CPPED1: variants seen among roughly 807,000 people sequenced by gnomAD.
The protein encoded by CPPED1 is serine/threonine-protein phosphatase CPPED1.
In CPPED1, 28 loss-of-function variants were observed where a neutral mutation model predicts 28.0. That is an observed-to-expected ratio of 1.00 (90% CI 0.74 to 1.37). The LOEUF (loss-of-function observed/expected upper bound fraction) is 1.37, where lower values mean the gene tolerates loss of function less well. Among genes scored for constraint, CPPED1 ranks in the 40% most tolerant of loss-of-function variants. The pLI is 0.00. For synonymous variants in CPPED1, 198 were observed against 180.2 expected, an observed-to-expected ratio of 1.10 and a Z score of -0.79; for missense variants, 504 against 416.5, an observed-to-expected ratio of 1.21 and a Z score of -1.83.
chr16:12,725,648 G>A (rs377067878), intron 2 of CPPED1, among the ~76,000 whole-genome samples: 1 of 152,066 alleles, frequency 6.6e-6, no homozygotes, highest in Non-Finnish European at 1.5e-5. Flanking sequence ...GAACTGATTT[G>A]TCAAAAGGAC....
At chr16:12,673,999 T>C (rs76741238) in intron 3 of CPPED1, among the ~76,000 whole-genome samples, 5,010 of 152,104 alleles carry the variant, frequency 0.033, 274 homozygotes, top group African/African-American at 0.12. Flanking sequence ...CAGTGGGCTA[T>C]GGTTGCACCA....
intron 3 of CPPED1, among the ~76,000 whole-genome samples, chr16:12,668,819 G>C (rs1374747091): frequency 6.6e-6 from 1 of 152,268 alleles, no homozygotes; most frequent in African/African-American, 2.4e-5. Context: ...TGATGAAAGA[G>C]ATGGAAAGCA....
chr16:12,769,864 G>A (rs562748657), intron 2 of CPPED1, among the ~76,000 whole-genome samples: 14 of 152,170 alleles, frequency 9.2e-5, no homozygotes, highest in African/African-American at 3.4e-4. Context: ...GTGTTAAACT[G>A]TAGGGTAAAT....
chr16:12,743,126 G>A (rs113374391), intron 2 of CPPED1, among the ~76,000 whole-genome samples: 161 of 152,264 alleles, frequency 1.1e-3, no homozygotes, highest in African/African-American at 3.7e-3. Flanking sequence ...CACATTATAG[G>A]AACCACCCCA....
At chr16:12,795,722 T>C (rs1298608327) in intron 1 of CPPED1, among the ~76,000 whole-genome samples, 16 of 152,242 alleles carry the variant, frequency 1.1e-4, no homozygotes, top group African/African-American at 3.4e-4. Flanking sequence ...AGCAGTGGGT[T>C]GGACAGATAC....
At chr16:12,783,779 G>T (rs1207976111) in intron 1 of CPPED1, among the ~76,000 whole-genome samples, 1 of 152,130 alleles carries the variant, frequency 6.6e-6, no homozygotes, top group Non-Finnish European at 1.5e-5. Context: ...AATTGTACAT[G>T]TACATAAACC....
chr16:12,704,676 GAAGT>G lies in CPPED1; in HGVS notation c.659_662del (p.Tyr220SerfsTer75), dbSNP rs2080038525. On this transcript the variant is annotated frameshift_variant, in exon 3 of 4. Transcript: ENST00000381774. LOFTEE classifies it high-confidence loss of function. Reference sequence around the variant, plus strand: ...TCTTCCGAGTGGACTTGCTGAGGTTGAAGTAGTAGTCGTCGTCCTCGTCGATGCT... The same window carrying G: ...TCTTCCGAGTGGACTTGCTGAGGTTGAGTAGTCGTCGTCCTCGTCGATGCT... 1 of 1,614,074 alleles carries G rather than the reference GAAGT, an allele frequency of 6.2e-7. No individual in the cohort carries two copies. The highest frequency in any genetic ancestry group is 1.3e-5 in the African/African-American group (1 of 74,952).
intron 2 of CPPED1, among the ~76,000 whole-genome samples, chr16:12,744,747 G>A (rs768758453): frequency 1.2e-4 from 18 of 152,292 alleles, no homozygotes; most frequent in African/African-American, 2.2e-4. Flanking sequence ...TTGGGAGGCC[G>A]AGGCAGGCAG....
At chr16:12,773,445 G>C (rs1339216011) in intron 2 of CPPED1, among the ~76,000 whole-genome samples, 3 of 152,172 alleles carry the variant, frequency 2.0e-5, no homozygotes, top group African/African-American at 7.2e-5. Context: ...GCCCCGACTC[G>C]GCGTGGTGGC....
Position 12,704,626 on chromosome 16 carries a change from G to C in CPPED1, c.713C>G (p.Ala238Gly). The C allele has an allele frequency of 6.2e-7, 1 of 1,607,228 alleles. No individual in the cohort carries two copies. Among genetic ancestry groups the C allele is most frequent in the South Asian group, 1.1e-5 (1 of 90,254 alleles). ...AACCCGTGGCCCGGGGCCTCTACCTGCGTGGATGAACTTGTCTGCCAACTT... is the reference window on the plus strand; with the variant it reads ...AACCCGTGGCCCGGGGCCTCTACCTCCGTGGATGAACTTGTCTGCCAACTT... ...RKKLADKFIH[A>G]GVKVVFSGHY... The change falls in exon 3 of 4, where the codon GCA becomes GGA. Residue 238 changes from alanine (A) to glycine (G), a missense_variant and splice_region_variant. Transcript: ENST00000381774.
At chr16:12,667,332 G>C (rs2079831031) in intron 3 of CPPED1, among the ~76,000 whole-genome samples, 1 of 152,030 alleles carries the variant, frequency 6.6e-6, no homozygotes, top group Non-Finnish European at 1.5e-5. Context: ...CTTAATAAAG[G>C]ACTAACACCC....
At chr16:12,764,901 A>C (rs551967197) in intron 2 of CPPED1, among the ~76,000 whole-genome samples, 2 of 152,342 alleles carry the variant, frequency 1.3e-5, no homozygotes, top group South Asian at 4.1e-4. Context: ...CCCATCAGAG[A>C]AACAAATGAG....
chr16:12,703,948 C>T (rs1262563492), intron 3 of CPPED1, among the ~76,000 whole-genome samples: 2 of 152,088 alleles, frequency 1.3e-5, no homozygotes, highest in East Asian at 3.9e-4. Context: ...GTGCACGTGT[C>T]TGTCACATAT....
chr16:12,733,268 T>C lies in CPPED1; in HGVS notation c.290-28219A>G, dbSNP rs1041192391. On this transcript the variant is annotated intron_variant, in intron 2 of 3. Coordinates refer to ENST00000381774, the MANE Select transcript of CPPED1 (RefSeq NM_018340.3). ...ATACTAAATGCTGATACGACCCGAA[T>C]TAGGAATTTTTTTTTTTTTTTTTTG... is the stretch of plus-strand genomic sequence containing the variant. 2.1e-4 allele frequency among the ~76,000 whole-genome samples: 30 copies of C among 140,550 alleles called. No individual in the cohort carries two copies. The Admixed American group carries it at 2.2e-3, about 10-fold the overall frequency. The allele number at this position is 140,550 out of a possible 152,430, so 92.2% of individuals were successfully genotyped here.
chr16:12,791,222 G>C (rs8063663), intron 1 of CPPED1, among the ~76,000 whole-genome samples: 42,690 of 151,512 alleles, frequency 0.28, 8,028 homozygotes, highest in African/African-American at 0.54. Context: ...CCTTGCCCCC[G>C]ACCTCCCAAC....
chr16:12,776,577 G>A (rs960807670), intron 2 of CPPED1, among the ~76,000 whole-genome samples: 1 of 152,174 alleles, frequency 6.6e-6, no homozygotes, highest in Non-Finnish European at 1.5e-5. Flanking sequence ...GTTTTGTAAA[G>A]AGGAGTTTCC....
At chr16:12,763,784 C>A (rs1042824302) in intron 2 of CPPED1, among the ~76,000 whole-genome samples, 2 of 152,152 alleles carry the variant, frequency 1.3e-5, no homozygotes, top group African/African-American at 4.8e-5. Flanking sequence ...CCAGGAGGGG[C>A]CCTGCAGTGC....
intron 3 of CPPED1, among the ~76,000 whole-genome samples, chr16:12,683,315 A>T (rs1235706020): frequency 6.6e-6 from 1 of 152,092 alleles, no homozygotes. Context: ...TTAACAGCTT[A>T]TTCTTCCTGC....
At chr16:12,747,727 A>G (rs117989811) in intron 2 of CPPED1, among the ~76,000 whole-genome samples, 214 of 152,274 alleles carry the variant, frequency 1.4e-3, no homozygotes, top group Admixed American at 2.0e-3. Flanking sequence ...CTTAACGAGG[A>G]AACTTTGGGC....
Sources: gnomAD v4.1 joint callset for allele counts (sites outside exome capture counted in the v4.1 genomes callset) on GRCh38, gnomAD v4.1.1 for gene constraint, MANE v1.5 for transcripts, NCBI Gene and HGNC (gene_info 2026-07-23, HGNC 2026-07-21) for gene names.